The following TMEM39A variants were observed in gnomAD, a reference collection of about 807,000 sequenced individuals.
TMEM39A encodes the protein transmembrane protein 39A.
Under a neutral mutation model 51.9 loss-of-function variants are expected in TMEM39A, and 19 were observed. The ratio of observed to expected loss-of-function variants is 0.37; its 90% CI spans 0.26 to 0.54. The LOEUF (loss-of-function observed/expected upper bound fraction) is 0.54. Ranked by LOEUF, TMEM39A falls within the 20% of genes least tolerant of loss-of-function variation. TMEM39A has a pLI of 0.88. For missense variants in TMEM39A, 433 were observed against 590.5 expected (o/e 0.73, Z 2.76); for synonymous variants, 197 against 220.2 (o/e 0.89, Z 0.93).
chr3:119,435,355 A>G, intron 7 of TMEM39A: 1 of 985,186 alleles, frequency 1.0e-6, no homozygotes, highest in Non-Finnish European at 1.2e-6. Context: ...ACTATAGGAA[A>G]TCAGTTTGCT....
chr3:119,442,651 G>A (rs2081070370), intron 5 of TMEM39A, among the ~76,000 whole-genome samples: 1 of 152,166 alleles, frequency 6.6e-6, no homozygotes, highest in Non-Finnish European at 1.5e-5. Flanking sequence ...ATATCAACAC[G>A]AGCAAATGTG....
chr3:119,437,909 G>C lies in TMEM39A; in HGVS notation c.770C>G (p.Pro257Arg). The change falls in exon 6 of 9, where the codon CCC becomes CGC. Residue 257 changes from proline (P) to arginine (R), a missense_variant. Coordinates refer to ENST00000319172, the MANE Select transcript of TMEM39A (RefSeq NM_018266.3). ...TAGGGGACAACTGTGGGTGGGGATG[G>C]GTGTGGCATTATTAAACTGTTCTTT... ...SLKEQFNNAT[P>R]IPTHSCPLSP... The C allele has an allele frequency of 6.2e-7, 1 of 1,613,986 alleles. No individual in the cohort carries two copies. Among genetic ancestry groups the C allele is most frequent in the Non-Finnish European group, 8.5e-7 (1 of 1,179,916 alleles).
rs532561805 is a variant in TMEM39A, at chr3:119,435,530, G to C, written c.1113-648C>G. 11 of 984,240 alleles carry C rather than the reference G, an allele frequency of 1.1e-5. No homozygotes were observed. The South Asian group carries it at 5.2e-4, about 46-fold the overall frequency. The allele number at this position is 984,240 out of a possible 1,614,324, so 61.0% of individuals were successfully genotyped here. ...AGAAGCAGCAGCTTCATTCTTTCCA[G>C]CATAATGGAGTTTGGGTGGGGACAG... On this transcript the variant is annotated intron_variant, in intron 7 of 8. Coordinates refer to ENST00000319172, the MANE Select transcript of TMEM39A (RefSeq NM_018266.3).
At chr3:119,446,817 T>C in intron 5 of TMEM39A, 1 of 592,688 alleles carries the variant, frequency 1.7e-6, no homozygotes. Flanking sequence ...CCCAGGACAG[T>C]CCTGGTTTAT....
intron 3 of TMEM39A, among the ~76,000 whole-genome samples, chr3:119,453,009 G>A (rs2081220088): frequency 6.6e-6 from 1 of 152,056 alleles, no homozygotes; most frequent in Non-Finnish European, 1.5e-5. Flanking sequence ...CTCATTTAGT[G>A]TTTCTCCTAG....
rs774462008 is a variant in TMEM39A at position 119,458,101 on chromosome 3, C to T, written c.253G>A (p.Val85Ile). 6.2e-7 allele frequency: 1 copy of T among 1,614,064 alleles called. No individual in the cohort carries two copies. The highest frequency in any genetic ancestry group is 8.5e-7 in the Non-Finnish European group (1 of 1,179,998). ...FEFLFFIYLLVALFIQYINIY... is the reference protein window; with the variant it reads ...FEFLFFIYLLIALFIQYINIY... ...TTGATGTACTGAATGAAAAGAGCAACCAACAGGTAGATGAAAAAAAGGAAT... is the reference window on the plus strand; with the variant it reads ...TTGATGTACTGAATGAAAAGAGCAATCAACAGGTAGATGAAAAAAAGGAAT... The change falls in exon 3 of 9, where the codon GTT becomes ATT. Residue 85 changes from valine (V) to isoleucine (I), a missense_variant. Coordinates refer to ENST00000319172, the MANE Select transcript of TMEM39A (RefSeq NM_018266.3).
At chr3:119,448,652 T>C (rs911099095) in intron 4 of TMEM39A, among the ~76,000 whole-genome samples, 2 of 152,224 alleles carry the variant, frequency 1.3e-5, no homozygotes, top group East Asian at 3.8e-4. Flanking sequence ...GCCTGGCACA[T>C]AGCTTCATAT....
rs751222935 is a variant in TMEM39A, at chr3:119,437,850, G to C, written c.829C>G (p.Leu277Val). ...ATTCTGTGGTTGAAATCTGCTTTCA[G>C]ACATTCTACTTCATTGCGAATGAGG... ...PDLIRNEVECLKADFNHRIKE... is the reference protein window; with the variant it reads ...PDLIRNEVECVKADFNHRIKE... The change falls in exon 6 of 9, where the codon CTG becomes GTG. Residue 277 changes from leucine (L) to valine (V), a missense_variant. Leu to Val is a conservative substitution (Grantham distance 32). Coordinates refer to ENST00000319172, the MANE Select transcript of TMEM39A (RefSeq NM_018266.3). 6.2e-7 allele frequency: 1 copy of C among 1,610,536 alleles called. No individual in the cohort carries two copies. The highest frequency in any genetic ancestry group is 8.5e-7 in the Non-Finnish European group (1 of 1,176,928).
intron 4 of TMEM39A, 117 bp downstream of exon 4, chr3:119,452,330 T>A: frequency 1.5e-6 from 1 of 654,238 alleles, no homozygotes; most frequent in Non-Finnish European, 2.6e-6. Flanking sequence ...AGAACTCACA[T>A]GGGAGTAAAG....
intron 7 of TMEM39A, chr3:119,435,395 TAAG>T: frequency 2.0e-6 from 2 of 985,174 alleles, no homozygotes; most frequent in Non-Finnish European, 2.4e-6. Context: ...CTCACAACTG[TAAG>T]AAGATATACA....
chr3:119,447,911 G>A (rs561128792), intron 4 of TMEM39A, among the ~76,000 whole-genome samples: 20 of 152,180 alleles, frequency 1.3e-4, no homozygotes, highest in Admixed American at 7.2e-4. Flanking sequence ...CACTGTGCCC[G>A]GCCTGATTTT....
At chr3:119,453,331 A>G (rs1001853072) in intron 3 of TMEM39A, among the ~76,000 whole-genome samples, 3 of 152,238 alleles carry the variant, frequency 2.0e-5, no homozygotes, top group Non-Finnish European at 4.4e-5. Flanking sequence ...CTAAAGATAC[A>G]GTGTGGAAGA....
intron 5 of TMEM39A, among the ~76,000 whole-genome samples, chr3:119,441,724 C>G (rs1474130996): frequency 6.6e-6 from 1 of 152,198 alleles, no homozygotes; most frequent in Non-Finnish European, 1.5e-5. Flanking sequence ...TCAAGGGTGA[C>G]AAAACAGCCT....
intron 5 of TMEM39A, among the ~76,000 whole-genome samples, chr3:119,443,106 G>A (rs2081077817): frequency 6.6e-6 from 1 of 150,436 alleles, no homozygotes; most frequent in African/African-American, 2.4e-5. Flanking sequence ...TGAAGATGTG[G>A]CTGCACTCTC....
At chr3:119,442,736 T>C (rs1186214062) in intron 5 of TMEM39A, among the ~76,000 whole-genome samples, 1 of 151,960 alleles carries the variant, frequency 6.6e-6, no homozygotes, top group African/African-American at 2.4e-5. Context: ...ACCGCAAATG[T>C]GGAAGAAAAA....
At chr3:119,451,977 C>A (rs1183720302) in intron 4 of TMEM39A, among the ~76,000 whole-genome samples, 5 of 151,982 alleles carry the variant, frequency 3.3e-5, no homozygotes, top group African/African-American at 9.7e-5. Context: ...CAGATTAATC[C>A]TATACGAATT....
chr3:119,462,652 G>A (rs2081354877), intron 1 of TMEM39A, among the ~76,000 whole-genome samples: 1 of 96,896 alleles, frequency 1.0e-5, no homozygotes, highest in Non-Finnish European at 2.2e-5. Context: ...GGCGGGGGGG[G>A]GGAGTGTCCC....
intron 3 of TMEM39A, among the ~76,000 whole-genome samples, chr3:119,455,093 A>G (rs2107685707): frequency 6.6e-6 from 1 of 152,326 alleles, no homozygotes; most frequent in Admixed American, 6.5e-5. Flanking sequence ...AACCTAATAA[A>G]TAAATCTGAC....
At chr3:119,440,487 T>C (rs1257718372) in intron 5 of TMEM39A, among the ~76,000 whole-genome samples, 2 of 147,492 alleles carry the variant, frequency 1.4e-5, no homozygotes, top group East Asian at 4.0e-4. Flanking sequence ...AGGTTGATAA[T>C]GCAATAGTAA....
Sources: allele counts gnomAD v4.1 joint callset (sites outside exome capture counted in the v4.1 genomes callset), GRCh38; gene constraint gnomAD v4.1.1; transcripts MANE v1.5; gene names NCBI Gene and HGNC (gene_info 2026-07-23, HGNC 2026-07-21).